FRMD4A: variants seen among roughly 807,000 people sequenced by gnomAD.
FRMD4A encodes the protein FERM domain-containing protein 4A.
Under a neutral mutation model 129.1 loss-of-function variants are expected in FRMD4A, and 29 were observed. The observed-to-expected ratio is 0.22, with a 90% CI of 0.17 to 0.31. FRMD4A has a LOEUF of 0.31. Ranked by LOEUF, FRMD4A falls within the 10% of genes least tolerant of loss-of-function variation. FRMD4A has a pLI of 1.00. For synonymous variants in FRMD4A, 634 were observed against 571.6 expected (o/e 1.11, Z -1.56); for missense variants, 1,272 against 1,375.8 (o/e 0.92, Z 1.19).
At chr10:14,189,288 A>T (rs1434961108) in intron 2 of FRMD4A, among the ~76,000 whole-genome samples, 1 of 152,090 alleles carries the variant, frequency 6.6e-6, no homozygotes, top group Non-Finnish European at 1.5e-5. Context: ...GGAGGAAGAG[A>T]ATGGGCCCGG....
chr10:14,167,532 G>A (rs576100700), intron 2 of FRMD4A, among the ~76,000 whole-genome samples: 2 of 91,676 alleles, frequency 2.2e-5, no homozygotes, highest in South Asian at 1.0e-3. Flanking sequence ...GCAAGACTCC[G>A]TCTCTCAAAA....
At chr10:14,206,523 C>G (rs1842784732) in intron 2 of FRMD4A, among the ~76,000 whole-genome samples, 2 of 152,056 alleles carry the variant, frequency 1.3e-5, no homozygotes, top group African/African-American at 4.8e-5. Flanking sequence ...AAAGACTGGG[C>G]TCAGTGGCTC....
intron 14 of FRMD4A, among the ~76,000 whole-genome samples, chr10:13,697,700 C>CTCTGACCACCT: frequency 6.6e-6 from 1 of 151,992 alleles, no homozygotes; most frequent in East Asian, 1.9e-4. Context: ...CTGCCTTTGA[C>CTCTGACCACCT]TCTAAATAAA....
chr10:13,873,276 A>AAG (rs1450043473), intron 2 of FRMD4A, among the ~76,000 whole-genome samples: 1 of 151,784 alleles, frequency 6.6e-6, no homozygotes, highest in Non-Finnish European at 1.5e-5. Flanking sequence ...GGCTGAAAAA[A>AAG]AAAAAAGATA....
chr10:13,916,228 C>T (rs998023760), intron 2 of FRMD4A, among the ~76,000 whole-genome samples: 6 of 152,292 alleles, frequency 3.9e-5, no homozygotes, highest in African/African-American at 1.2e-4. Flanking sequence ...CAGGGAGCCC[C>T]GCTCAGCTCC....
intron 15 of FRMD4A, among the ~76,000 whole-genome samples, chr10:13,682,594 G>A (rs780703192): frequency 2.0e-4 from 29 of 146,520 alleles, no homozygotes; most frequent in African/African-American, 7.3e-4. Context: ...TCCACCTCCC[G>A]GGTTCAAGTG....
intron 2 of FRMD4A, among the ~76,000 whole-genome samples, chr10:14,173,423 A>C (rs555756265): frequency 9.2e-5 from 14 of 152,196 alleles, no homozygotes; most frequent in Non-Finnish European, 1.8e-4. Context: ...TTACAGGACC[A>C]AGTTCAAGAT....
chr10:13,841,682 C>A (rs781751113), intron 3 of FRMD4A, among the ~76,000 whole-genome samples: 26 of 152,170 alleles, frequency 1.7e-4, no homozygotes, highest in Non-Finnish European at 3.1e-4. Flanking sequence ...CATGTGGGAC[C>A]CTCCCAGGCC....
chr10:13,976,138 A>G (rs1257695351), intron 2 of FRMD4A, among the ~76,000 whole-genome samples: 1 of 152,050 alleles, frequency 6.6e-6, no homozygotes, highest in African/African-American at 2.4e-5. Context: ...TTTTGCTACT[A>G]TTAGGGGTGA....
chr10:14,330,189 G>A lies in FRMD4A; in HGVS notation c.-81-6C>T, dbSNP rs772478000. The A allele has an allele frequency of 5.0e-6, 7 of 1,395,852 alleles. No homozygotes were observed. Among genetic ancestry groups the A allele is most frequent in the Admixed American group, 2.0e-5 (1 of 50,678 alleles). 86.5% of individuals were successfully genotyped at this position (1,395,852 alleles called of 1,614,324 possible). A position where few individuals can be genotyped will look rare whatever the true frequency, so the allele number is the denominator to read the frequency against. On this transcript the variant is annotated splice_region_variant and splice_polypyrimidine_tract_variant and intron_variant, in intron 1 of 24. Transcript: ENST00000357447. ...TACAGAGCATCCAAAAGCACCTGCA[G>A]AAAAAGCAGCCAAAATCCAGACTTA...
At chr10:14,079,623 T>A (rs928747607) in intron 2 of FRMD4A, among the ~76,000 whole-genome samples, 101 of 152,228 alleles carry the variant, frequency 6.6e-4, no homozygotes, top group African/African-American at 2.3e-3. Context: ...TAGAGAGTAG[T>A]GGGATGTGTT....
intron 2 of FRMD4A, among the ~76,000 whole-genome samples, chr10:13,949,090 G>C (rs1451811346): frequency 1.3e-5 from 2 of 152,056 alleles, no homozygotes; most frequent in Non-Finnish European, 2.9e-5. Context: ...TTTCATTGTT[G>C]ATTAAATCTT....
At chr10:14,127,629 C>A (rs763469099) in intron 2 of FRMD4A, among the ~76,000 whole-genome samples, 14 of 152,138 alleles carry the variant, frequency 9.2e-5, no homozygotes, top group Non-Finnish European at 1.8e-4. Context: ...CCCGTAAGAC[C>A]CTTCACTGTG....
At chr10:14,123,567 TC>T (rs1838658309) in intron 2 of FRMD4A, among the ~76,000 whole-genome samples, 2 of 152,188 alleles carry the variant, frequency 1.3e-5, no homozygotes, top group African/African-American at 4.8e-5. Flanking sequence ...CAGTCCCCCA[TC>T]TTTGTTTCTG....
At chr10:13,827,853 T>C (rs1218713233) in intron 3 of FRMD4A, among the ~76,000 whole-genome samples, 6 of 152,208 alleles carry the variant, frequency 3.9e-5, no homozygotes, top group Non-Finnish European at 1.5e-5. Context: ...CCTCTGCTCC[T>C]GCCTGCTTCG....
At chr10:14,037,487 G>A (rs188593277) in intron 2 of FRMD4A, among the ~76,000 whole-genome samples, 143 of 152,278 alleles carry the variant, frequency 9.4e-4, no homozygotes, top group African/African-American at 3.3e-3. Flanking sequence ...CAAAGTGCTG[G>A]GATTACAGGT....
chr10:13,805,836 G>T (rs1256797606), intron 4 of FRMD4A, among the ~76,000 whole-genome samples: 1 of 149,768 alleles, frequency 6.7e-6, no homozygotes, highest in Non-Finnish European at 1.5e-5. Flanking sequence ...CTACAACTGT[G>T]CACCACCATG....
intron 2 of FRMD4A, among the ~76,000 whole-genome samples, chr10:14,253,281 A>T (rs1844499846): frequency 1.3e-5 from 2 of 152,166 alleles, no homozygotes; most frequent in African/African-American, 4.8e-5. Context: ...ACAGTGAGAA[A>T]CTCCAAGATA....
intron 2 of FRMD4A, among the ~76,000 whole-genome samples, chr10:14,151,320 C>T (rs145859984): frequency 6.6e-6 from 1 of 152,282 alleles, no homozygotes; most frequent in Non-Finnish European, 1.5e-5. Flanking sequence ...CCATGAAATA[C>T]TATGCAGACA....
Sources: allele counts gnomAD v4.1 joint callset (sites outside exome capture counted in the v4.1 genomes callset), GRCh38; gene constraint gnomAD v4.1.1; transcripts MANE v1.5; gene names NCBI Gene and HGNC (gene_info 2026-07-23, HGNC 2026-07-21).